The following DNAH11 variants were observed in gnomAD, a reference collection of about 807,000 sequenced individuals.
DNAH11 encodes the protein dynein axonemal heavy chain 11, also known as axonemal beta dynein heavy chain 11.
DNAH11 carries 442 observed loss-of-function variants against 526.0 expected under a neutral mutation model. That is an observed-to-expected ratio of 0.84 (90% CI 0.78 to 0.91). The LOEUF is 0.91. Ranked by LOEUF, DNAH11 falls within the 40% of genes least tolerant of loss-of-function variation. DNAH11 has a pLI of 0.00. For missense variants in DNAH11, 6,989 were observed against 5,448.7 expected, an observed-to-expected ratio of 1.28 and a Z score of -8.90; for synonymous variants, 2,461 against 1,935.9, an observed-to-expected ratio of 1.27 and a Z score of -7.12.
Position 21,646,900 on chromosome 7 carries a change from G to A in DNAH11, c.4944+7835G>A, listed in dbSNP as rs191123142. Among the ~76,000 whole-genome samples, 20 of 152,252 alleles carry A rather than the reference G, an allele frequency of 1.3e-4. No individual in the cohort carries two copies. In the East Asian group the frequency reaches 1.5e-3, roughly 12 times the overall value. The stretch of plus-strand genomic sequence containing the variant: ...GAAAATATATTCATTTTTAAGCAGC[G>A]TAAAGTTCACAATGTCTGGCATTGC... On this transcript the variant is annotated intron_variant, in intron 28 of 81. Coordinates refer to ENST00000409508, the MANE Select transcript of DNAH11 (RefSeq NM_001277115.2).
At chr7:21,634,444 G>C (rs554415301) in intron 25 of DNAH11, among the ~76,000 whole-genome samples, 1 of 152,328 alleles carries the variant, frequency 6.6e-6, no homozygotes, top group South Asian at 2.1e-4. Context: ...AAGGCATGAG[G>C]TTTTTCCCTC....
chr7:21,599,859 A>G lies in DNAH11; in HGVS notation c.2740A>G (p.Ile914Val), dbSNP rs768899168. ...WKIYVEFIDD[I>V]VVEGFFQAIM... ...AATTTATGTAGAATTCATTGACGAC[A>G]TTGTGGTGGAAGGCTTTTTTCAGGC... Residue 914 changes from isoleucine (I) to valine (V), a missense_variant, in exon 15 of 82, where the codon ATT becomes GTT. By Grantham distance (29) the Ile-to-Val change is conservative. Transcript: ENST00000409508. The G allele has an allele frequency of 6.2e-7, 1 of 1,609,220 alleles. No individual in the cohort carries two copies. The highest frequency in any genetic ancestry group is 8.5e-7 in the Non-Finnish European group (1 of 1,176,540).
At chr7:21,747,396 T>C (rs1185023986) in intron 51 of DNAH11, among the ~76,000 whole-genome samples, 2 of 152,220 alleles carry the variant, frequency 1.3e-5, no homozygotes, top group African/African-American at 4.8e-5. Context: ...ATGCAGTTTG[T>C]TCAGGTTCTG....
At chr7:21,782,890 A>G (rs1234950633) in intron 57 of DNAH11, among the ~76,000 whole-genome samples, 2 of 146,284 alleles carry the variant, frequency 1.4e-5, no homozygotes, top group South Asian at 2.2e-4. Context: ...AGCCTGGGTG[A>G]CAGAACGAAA....
intron 76 of DNAH11, among the ~76,000 whole-genome samples, chr7:21,892,175 G>A (rs1403165826): frequency 6.6e-6 from 1 of 152,100 alleles, no homozygotes; most frequent in African/African-American, 2.4e-5. Flanking sequence ...GTATCACACT[G>A]CCCCATGCAC....
At chr7:21,556,072 T>G (rs1001853928) in intron 2 of DNAH11, among the ~76,000 whole-genome samples, 24 of 152,196 alleles carry the variant, frequency 1.6e-4, no homozygotes, top group African/African-American at 5.5e-4. Flanking sequence ...ATTTCCTCAT[T>G]AGTTGAGTAC....
At chr7:21,777,383 A>G (rs1235344201) in intron 56 of DNAH11, among the ~76,000 whole-genome samples, 1 of 151,990 alleles carries the variant, frequency 6.6e-6, no homozygotes, top group Non-Finnish European at 1.5e-5. Context: ...AGCTGTTATG[A>G]ATACCCGTGT....
In DNAH11 at chr7:21,901,132, G is replaced by A. The variant is rs551275210; in HGVS notation, c.13429G>A (p.Glu4477Lys). The A allele has an allele frequency of 3.4e-5, 55 of 1,613,236 alleles. No homozygotes were observed. The highest frequency in any genetic ancestry group is 1.2e-4 in the African/African-American group (9 of 74,970). ...CAGACAAGAAACCAAACAGACCTAC[G>A]AGTGCCCTGTGTATAGAACCAAACT... The part of the protein sequence containing the change: ...VDRQETKQTY[E>K]CPVYRTKLRG... The change falls in exon 82 of 82, where the codon GAG becomes AAG. Residue 4477 changes from glutamate to lysine, a missense_variant. Coordinates refer to ENST00000409508, the MANE Select transcript of DNAH11 (RefSeq NM_001277115.2).
intron 15 of DNAH11, 80 bp downstream of exon 15, chr7:21,600,199 C>T: frequency 7.8e-7 from 1 of 1,277,560 alleles, no homozygotes; most frequent in Admixed American, 2.7e-5. Flanking sequence ...GTAGCTCATG[C>T]TGGGAATCCC....
At chr7:21,600,348 C>G (rs1181591827) in intron 15 of DNAH11, among the ~76,000 whole-genome samples, 3 of 152,000 alleles carry the variant, frequency 2.0e-5, no homozygotes, top group East Asian at 1.9e-4. Context: ...GTCCCAGCTA[C>G]TCAGGAGGCT....
intron 18 of DNAH11, among the ~76,000 whole-genome samples, chr7:21,602,000 G>T (rs1337732290): frequency 6.6e-6 from 1 of 151,398 alleles, no homozygotes; most frequent in Non-Finnish European, 1.5e-5. Flanking sequence ...CTACCTGTCA[G>T]TCAAGAAGTG....
chr7:21,767,300 A>G (rs1787223204), intron 55 of DNAH11, among the ~76,000 whole-genome samples: 1 of 152,176 alleles, frequency 6.6e-6, no homozygotes, highest in Non-Finnish European at 1.5e-5. Context: ...ACTTTGTCAA[A>G]TGGTAGGAAA....
chr7:21,604,739 T>C (rs1335220899), intron 18 of DNAH11, among the ~76,000 whole-genome samples: 6 of 152,158 alleles, frequency 3.9e-5, no homozygotes, highest in African/African-American at 1.4e-4. Context: ...AGGTTTGTTG[T>C]GTTTGAAGAG....
intron 43 of DNAH11, 44 bp downstream of exon 43, chr7:21,717,969 G>T (rs753585258): frequency 1.1e-5 from 17 of 1,562,120 alleles, no homozygotes; most frequent in Non-Finnish European, 1.4e-5. Context: ...TTCTGATGCG[G>T]TAGTGTTTGT....
chr7:21,744,438 G>A lies in DNAH11; in HGVS notation c.8155G>A (p.Gly2719Arg), dbSNP rs1435296644. 1 of 1,613,140 alleles carries A rather than the reference G, an allele frequency of 6.2e-7. No individual in the cohort carries two copies. Among genetic ancestry groups the A allele is most frequent in the Admixed American group, 1.7e-5 (1 of 59,898 alleles). Residue 2719 changes from glycine (G) to arginine (R), a missense_variant and splice_region_variant, in exon 50 of 82, where the codon GGG becomes AGG. By Grantham distance (125) the Gly-to-Arg change is moderately radical (BLOSUM62 -2). Coordinates refer to ENST00000409508, the MANE Select transcript of DNAH11 (RefSeq NM_001277115.2). ...NLRDLSNVFQ[G>R]ILFASPECLK... ...TATTTTCCCCATTCTTGCCTTGTAG[G>A]GGATTTTATTTGCTTCTCCTGAGTG...
In DNAH11 at chr7:21,717,926, G is replaced by T. The variant is rs1784726445; in HGVS notation, c.7134+1G>T. The T allele has an allele frequency of 6.2e-7, 1 of 1,610,844 alleles. No individual in the cohort carries two copies. The highest frequency in any genetic ancestry group is 8.5e-7 in the Non-Finnish European group (1 of 1,177,892). ...AATTCCTGAGAGTAGCCTGGTGCAGGTTTGTCTTCGGTTACGCCATTTAAC... is the reference window on the plus strand; with the variant it reads ...AATTCCTGAGAGTAGCCTGGTGCAGTTTTGTCTTCGGTTACGCCATTTAAC... On this transcript the variant is annotated splice_donor_variant, in intron 43 of 81. Coordinates refer to ENST00000409508, the MANE Select transcript of DNAH11 (RefSeq NM_001277115.2). LOFTEE classifies it high-confidence loss of function.
At chr7:21,761,909 T>G (rs1786935839) in intron 54 of DNAH11, among the ~76,000 whole-genome samples, 1 of 152,128 alleles carries the variant, frequency 6.6e-6, no homozygotes, top group South Asian at 2.1e-4. Flanking sequence ...ACTGGATAAT[T>G]TATAAAGGAA....
At chr7:21,584,717 A>G (rs1333937274) in intron 9 of DNAH11, among the ~76,000 whole-genome samples, 3 of 152,204 alleles carry the variant, frequency 2.0e-5, no homozygotes, top group Non-Finnish European at 4.4e-5. Flanking sequence ...ACTTGCTAGT[A>G]TATTTAATAC....
intron 65 of DNAH11, among the ~76,000 whole-genome samples, chr7:21,826,264 TTTC>T (rs1354514774): frequency 1.3e-5 from 2 of 152,188 alleles, no homozygotes; most frequent in East Asian, 1.9e-4. Context: ...AAATAAAGAC[TTTC>T]TTATTTCCTC....
Sources: allele counts gnomAD v4.1 joint callset (sites outside exome capture counted in the v4.1 genomes callset), GRCh38; gene constraint gnomAD v4.1.1; transcripts MANE v1.5; gene names NCBI Gene and HGNC (gene_info 2026-07-23, HGNC 2026-07-21).